The following AGBL1 variants were observed in gnomAD, a reference collection of about 807,000 sequenced individuals.
AGBL1 encodes AGBL carboxypeptidase 1, also known as cytosolic carboxypeptidase 4.
In AGBL1, 130 loss-of-function variants were observed where a neutral mutation model predicts 118.9. That is an observed-to-expected ratio of 1.09 (90% CI 0.95 to 1.26). The LOEUF is 1.26. AGBL1 is among the 50% of genes most tolerant of loss of function. AGBL1 has a pLI of 0.00. For missense variants in AGBL1, 1,584 were observed against 1,298.1 expected, an observed-to-expected ratio of 1.22 and a Z score of -3.38; for synonymous variants, 555 against 478.9, an observed-to-expected ratio of 1.16 and a Z score of -2.08.
intron 17 of AGBL1, among the ~76,000 whole-genome samples, chr15:86,379,014 G>T (rs566376012): frequency 6.6e-6 from 1 of 151,882 alleles, no homozygotes; most frequent in African/African-American, 2.4e-5. Context: ...CTTAGGTAAA[G>T]CAATTCTCCT....
intron 23 of AGBL1, among the ~76,000 whole-genome samples, chr15:86,948,575 G>C (rs1006059162): frequency 6.6e-6 from 1 of 152,190 alleles, no homozygotes; most frequent in South Asian, 2.1e-4. Flanking sequence ...TGTACACTTA[G>C]AGGATTATGC....
chr15:86,701,864 C>T lies in AGBL1; in HGVS notation c.3158+27428C>T, dbSNP rs144624045. ...CATCTCTCCTTTATCCATTCCTTCC[C>T]CTTCCCTTCTCTTTTTTCTTTCCTT... On this transcript the variant is annotated intron_variant, in intron 22 of 22. Coordinates refer to ENST00000614907, the MANE Select transcript of AGBL1 (RefSeq NM_001386094.1). 6.1e-5 allele frequency among the ~76,000 whole-genome samples: 9 copies of T among 148,388 alleles called. No homozygotes were observed. The East Asian group carries it at 1.4e-3, about 24-fold the overall frequency.
intron 22 of AGBL1, among the ~76,000 whole-genome samples, chr15:86,720,054 T>C (rs1046099013): frequency 6.6e-6 from 1 of 152,220 alleles, no homozygotes; most frequent in African/African-American, 2.4e-5. Flanking sequence ...TTTTCTATCT[T>C]AAGTGATCAA....
At chr15:86,579,437 T>A (rs1019591024) in intron 21 of AGBL1, among the ~76,000 whole-genome samples, 22 of 152,224 alleles carry the variant, frequency 1.4e-4, no homozygotes, top group Non-Finnish European at 2.9e-5. Flanking sequence ...TATTAGATTA[T>A]GTTAAAATTA....
intron 22 of AGBL1, among the ~76,000 whole-genome samples, chr15:86,712,358 T>A (rs971859192): frequency 4.2e-5 from 6 of 144,266 alleles, no homozygotes; most frequent in Non-Finnish European, 6.1e-5. Context: ...ACAGAGACGA[T>A]GTGTACTTTT....
chr15:86,739,006 C>T lies in AGBL1; in HGVS notation c.3158+64570C>T, dbSNP rs556272761. 6.3e-4 allele frequency among the ~76,000 whole-genome samples: 96 copies of T among 152,118 alleles called. 1 individual carries two copies. Among genetic ancestry groups the T allele is most frequent in the Non-Finnish European group, 1.3e-3 (87 of 68,004 alleles). ...AATAAAAATAAAAAAATTAGCTGGG[C>T]ATGGTGGTGCATGCTTGTAGTCACA... On this transcript the variant is annotated intron_variant, in intron 22 of 22. Coordinates refer to ENST00000614907, the MANE Select transcript of AGBL1 (RefSeq NM_001386094.1).
At chr15:86,476,169 C>G (rs901792314) in intron 18 of AGBL1, among the ~76,000 whole-genome samples, 6 of 152,170 alleles carry the variant, frequency 3.9e-5, no homozygotes, top group Non-Finnish European at 7.4e-5. Context: ...GAAACTGCAT[C>G]AACTAATGAG....
chr15:86,612,585 C>T (rs2084672725), intron 21 of AGBL1, among the ~76,000 whole-genome samples: 1 of 152,116 alleles, frequency 6.6e-6, no homozygotes, highest in African/African-American at 2.4e-5. Flanking sequence ...TCCAACCTGA[C>T]TCTCGTACAG....
At chr15:86,888,659 G>A (rs2080006780) in intron 22 of AGBL1, among the ~76,000 whole-genome samples, 2 of 152,026 alleles carry the variant, frequency 1.3e-5, no homozygotes, top group Admixed American at 6.6e-5. Context: ...CATTGACCTT[G>A]GACATTTTCC....
intron 23 of AGBL1, among the ~76,000 whole-genome samples, chr15:86,944,571 C>A (rs761523566): frequency 1.6e-4 from 25 of 151,974 alleles, no homozygotes; most frequent in Non-Finnish European, 3.5e-4. Context: ...ATGTTGAAGT[C>A]ATAAGGGACG....
At chr15:86,810,680 G>A (rs1382583271) in intron 22 of AGBL1, among the ~76,000 whole-genome samples, 1 of 152,140 alleles carries the variant, frequency 6.6e-6, no homozygotes, top group Non-Finnish European at 1.5e-5. Context: ...AAGCTTGTGT[G>A]TGGCCAGTGC....
At chr15:86,277,964 TTTG>T (rs1046586887) in intron 15 of AGBL1, among the ~76,000 whole-genome samples, 18 of 152,224 alleles carry the variant, frequency 1.2e-4, no homozygotes, top group African/African-American at 4.3e-4. Context: ...TTGACTAGCA[TTTG>T]TTGTTCAGCA....
chr15:86,529,390 A>G (rs2083316331), intron 19 of AGBL1, among the ~76,000 whole-genome samples: 1 of 134,158 alleles, frequency 7.5e-6, no homozygotes, highest in East Asian at 2.0e-4. Context: ...AAATGAAGCG[A>G]GAAGGGAAGT....
At chr15:86,117,048 G>T (rs1380636905) in intron 1 of AGBL1, among the ~76,000 whole-genome samples, 3 of 150,866 alleles carry the variant, frequency 2.0e-5, no homozygotes, top group Non-Finnish European at 4.4e-5. Context: ...GAGTTTTCCT[G>T]TGTGATTGTA....
At chr15:86,545,925 G>C in intron 19 of AGBL1, 77 bp from the exon 20 acceptor site, 1 of 1,517,636 alleles carries the variant, frequency 6.6e-7, no homozygotes, top group Non-Finnish European at 9.0e-7. Flanking sequence ...TGGAACATGA[G>C]TAGATACGAT....
At chr15:86,976,062 A>G (rs912518597) in intron 23 of AGBL1, among the ~76,000 whole-genome samples, 4 of 152,102 alleles carry the variant, frequency 2.6e-5, no homozygotes, top group Admixed American at 2.0e-4. Flanking sequence ...GGTTACACAT[A>G]TTCATTGTAG....
intron 1 of AGBL1, among the ~76,000 whole-genome samples, chr15:86,135,127 C>T (rs989813795): frequency 1.3e-5 from 2 of 152,120 alleles, no homozygotes; most frequent in Admixed American, 6.5e-5. Context: ...GGCTGAGTGC[C>T]ACTGTCACAG....
chr15:86,580,556 A>G (rs976871693), intron 21 of AGBL1, among the ~76,000 whole-genome samples: 3 of 152,028 alleles, frequency 2.0e-5, no homozygotes, highest in Admixed American at 1.3e-4. Context: ...ATGGATCATT[A>G]ATTTTTTTCC....
At chr15:86,612,704 T>C (rs1456878779) in intron 21 of AGBL1, among the ~76,000 whole-genome samples, 2 of 152,160 alleles carry the variant, frequency 1.3e-5, no homozygotes, top group African/African-American at 4.8e-5. Context: ...TGGGGAAAAT[T>C]TGCACTCGGT....
Sources: allele counts gnomAD v4.1 joint callset (sites outside exome capture counted in the v4.1 genomes callset), GRCh38; gene constraint gnomAD v4.1.1; transcripts MANE v1.5; gene names NCBI Gene and HGNC (gene_info 2026-07-23, HGNC 2026-07-21).